The following EXOC7 variants were observed in gnomAD, a reference collection of about 807,000 sequenced individuals.
EXOC7 encodes exocyst complex component Exo70.
In EXOC7, 51 loss-of-function variants were observed where a neutral mutation model predicts 87.6. The observed-to-expected ratio is 0.58, with a 90% CI of 0.46 to 0.73. EXOC7 has a LOEUF of 0.73. EXOC7 is among the 30% of genes least tolerant of loss of function. The pLI is 0.00. For synonymous variants in EXOC7, 327 were observed against 357.1 expected (o/e 0.92, Z 0.95); for missense variants, 744 against 888.4 (o/e 0.84, Z 2.07).
intron 14 of EXOC7, 36 bp downstream of exon 14, chr17:76,085,641 G>GT (rs758896380): frequency 3.3e-5 from 53 of 1,613,716 alleles, no homozygotes; most frequent in Non-Finnish European, 4.2e-5. Context: ...CGAGGGGAAG[G>GT]TGAGAGCCGC....
chr17:76,094,818 T>A (rs1598330644), intron 5 of EXOC7, among the ~76,000 whole-genome samples: 1 of 151,710 alleles, frequency 6.6e-6, no homozygotes, highest in Admixed American at 6.6e-5. Flanking sequence ...CGATGTCAGC[T>A]CACTGCAGGC....
rs1011063050 is a variant in EXOC7, at chr17:76,082,956, C to T, written c.*692G>A. 7 of 254,948 alleles carry T rather than the reference C, an allele frequency of 2.7e-5. No homozygotes were observed. The highest frequency in any genetic ancestry group is 5.3e-5 in the Admixed American group (1 of 18,720). The allele number at this position is 254,948 out of a possible 1,614,324, so 15.8% of individuals were successfully genotyped here. On this transcript the variant is annotated 3_prime_UTR_variant, in exon 19 of 19. Transcript: ENST00000589210. The stretch of plus-strand genomic sequence containing the variant: ...AGCCTAATTGCTCCTTCTGCAACCA[C>T]GACTGCCTGGCCCTGGGCCAAGAGG...
At position 76,103,702 on chromosome 17, in the gene EXOC7, C is replaced by A; in HGVS notation, c.-10G>T. 6.2e-7 allele frequency: 1 copy of A among 1,601,644 alleles called. No homozygotes were observed. The highest frequency in any genetic ancestry group is 1.3e-5 in the African/African-American group (1 of 74,558). Reference sequence around the variant, plus strand: ...CCTGTGGGGGAATCATCGCTCTGAACCCCGCGGCTCCCACTCCCCAGTATC... The same window carrying A: ...CCTGTGGGGGAATCATCGCTCTGAAACCCGCGGCTCCCACTCCCCAGTATC... On this transcript the variant is annotated 5_prime_UTR_variant, in exon 1 of 19. Coordinates refer to ENST00000589210, the MANE Select transcript of EXOC7 (RefSeq NM_001013839.4).
chr17:76,084,212 G>A, intron 17 of EXOC7, 36 bp downstream of exon 17: 1 of 1,606,038 alleles, frequency 6.2e-7, no homozygotes, highest in African/African-American at 1.3e-5. Flanking sequence ...CTCAACAGCA[G>A]CAGCAAGCAG....
chr17:76,081,474 G>A lies in EXOC7; in HGVS notation c.*2174C>T. 2 of 1,610,596 alleles carry A rather than the reference G, an allele frequency of 1.2e-6. No individual in the cohort carries two copies. The highest frequency in any genetic ancestry group is 1.7e-6 in the Non-Finnish European group (2 of 1,178,692). ...TGGGAGTGAGGATGCACGGCCAGAG[G>A]CCAGGCCCCATGCCCCCGATGCCCA... On this transcript the variant is annotated 3_prime_UTR_variant, in exon 19 of 19. Coordinates refer to ENST00000589210, the MANE Select transcript of EXOC7 (RefSeq NM_001013839.4).
intron 13 of EXOC7, 99 bp downstream of exon 13, chr17:76,085,981 G>C: frequency 6.6e-7 from 1 of 1,523,270 alleles, no homozygotes; most frequent in Non-Finnish European, 9.0e-7. Flanking sequence ...TGGCACTTAG[G>C]AGAGGGCCCT....
At chr17:76,084,909 G>A (rs565087978) in intron 15 of EXOC7, among the ~76,000 whole-genome samples, 164 of 152,188 alleles carry the variant, frequency 1.1e-3, no homozygotes, top group Non-Finnish European at 2.1e-3. Context: ...GGAAGAGGTA[G>A]ACACATTCAA....
At chr17:76,091,360 C>T in intron 6 of EXOC7, 125 bp from the exon 7 acceptor site, 2 of 707,008 alleles carry the variant, frequency 2.8e-6, no homozygotes, top group Non-Finnish European at 5.0e-6. Context: ...GCAGGCCTTT[C>T]CCTGAGACCA....
intron 12 of EXOC7, chr17:76,086,784 C>G (rs2067231938): frequency 7.1e-7 from 1 of 1,406,220 alleles, no homozygotes; most frequent in Non-Finnish European, 9.8e-7. Flanking sequence ...TACTGAGAGT[C>G]AGTCCCCAGG....
intron 6 of EXOC7, chr17:76,094,154 C>G (rs1229278871): frequency 2.7e-6 from 1 of 369,822 alleles, no homozygotes; most frequent in Non-Finnish European, 4.9e-6. Flanking sequence ...AGGCGGGATT[C>G]GCTGAGCACC....
rs1300896287 is a variant in EXOC7, at chr17:76,081,100, T to C, written c.*2548A>G. 2.7e-6 allele frequency: 2 copies of C among 730,038 alleles called. No individual in the cohort carries two copies. Among genetic ancestry groups the C allele is most frequent in the African/African-American group, 3.6e-5 (2 of 56,242 alleles). The allele number at this position is 730,038 out of a possible 1,614,324, so 45.2% of individuals were successfully genotyped here. A position where few individuals can be genotyped will look rare whatever the true frequency, so the allele number is the denominator to read the frequency against. On this transcript the variant is annotated 3_prime_UTR_variant, in exon 19 of 19. Transcript: ENST00000589210. ...GGCCTTCCTTCAACTGGAGACAATT[T>C]GGGATGTTGCAAAACAAGGTTTGGG...
At chr17:76,099,594 A>G (rs1340407132) in intron 4 of EXOC7, among the ~76,000 whole-genome samples, 2 of 152,238 alleles carry the variant, frequency 1.3e-5, no homozygotes, top group African/African-American at 2.4e-5. Context: ...AATGAAATGA[A>G]GTACTGATAC....
At position 76,089,023 on chromosome 17, in the gene EXOC7, G is replaced by A. The variant is rs528600996; in HGVS notation, c.1048-100C>T. The A allele has an allele frequency of 2.1e-4, 306 of 1,471,404 alleles. 2 individuals are homozygous for A. The African/African-American group carries it at 3.4e-3, about 16-fold the overall frequency. The allele number at this position is 1,471,404 out of a possible 1,614,324, so 91.1% of individuals were successfully genotyped here. A position where few individuals can be genotyped will look rare whatever the true frequency, so the allele number is the denominator to read the frequency against. On this transcript the variant is annotated intron_variant, in intron 8 of 18. Transcript: ENST00000589210. ...CAGTATGTAGGGGGGCCAGTGTGCA[G>A]GAAGAGGGGTGACGGGGAGGTGGTG...
At chr17:76,084,814 C>A in intron 15 of EXOC7, 1 of 573,112 alleles carries the variant, frequency 1.7e-6, no homozygotes, top group South Asian at 2.1e-5. Context: ...CAAATACTGT[C>A]AACTATACTT....
intron 7 of EXOC7, among the ~76,000 whole-genome samples, chr17:76,090,001 C>A (rs1347620449): frequency 6.6e-6 from 1 of 152,248 alleles, no homozygotes; most frequent in Non-Finnish European, 1.5e-5. Flanking sequence ...AAGGGATGGG[C>A]TCCGAGGGGA....
chr17:76,088,690 C>T, intron 9 of EXOC7, 81 bp downstream of exon 9: 1 of 1,601,868 alleles, frequency 6.2e-7, no homozygotes, highest in East Asian at 2.2e-5. Context: ...GAATGGGGTT[C>T]TCCCAGGGAG....
chr17:76,085,225 G>T, intron 15 of EXOC7, 89 bp downstream of exon 15: 2 of 1,095,212 alleles, frequency 1.8e-6, no homozygotes, highest in South Asian at 2.7e-5. Context: ...AGTTCCCCGT[G>T]ACCGACTCTG....
At position 76,081,599 on chromosome 17, in the gene EXOC7, G is replaced by C. The variant is rs1187341850; in HGVS notation, c.*2049C>G. 1 of 1,614,040 alleles carries C rather than the reference G, an allele frequency of 6.2e-7. No homozygotes were observed. Among genetic ancestry groups the C allele is most frequent in the East Asian group, 2.2e-5 (1 of 44,886 alleles). ...CATCATCGCTCTCTTGGTGCCTGCA[G>C]AGGCACTGCTGTTGGCTGACGTGTG... On this transcript the variant is annotated 3_prime_UTR_variant, in exon 19 of 19. Transcript: ENST00000589210.
intron 2 of EXOC7, 71 bp from the exon 3 acceptor site, chr17:76,101,934 G>A (rs960982355): frequency 2.4e-5 from 31 of 1,308,458 alleles, no homozygotes; most frequent in South Asian, 1.7e-4. Flanking sequence ...ACCCACCTTC[G>A]GCATTTCCTG....
Sources: gnomAD v4.1 joint callset for allele counts (sites outside exome capture counted in the v4.1 genomes callset) on GRCh38, gnomAD v4.1.1 for gene constraint, MANE v1.5 for transcripts, NCBI Gene and HGNC (gene_info 2026-07-23, HGNC 2026-07-21) for gene names.